AFG1L: variants seen among roughly 807,000 people sequenced by gnomAD.
AFG1L encodes the protein AFG1 like ATPase.
In AFG1L, 53 loss-of-function variants were observed where a neutral mutation model predicts 62.2. That is an observed-to-expected ratio of 0.85 (90% CI 0.68 to 1.07). AFG1L has a LOEUF of 1.07. Among genes scored for constraint, AFG1L ranks in the 50% least tolerant of loss-of-function variants. The pLI is 0.00. For missense variants in AFG1L, 555 were observed against 590.5 expected (o/e 0.94, Z 0.62); for synonymous variants, 228 against 210.3 (o/e 1.08, Z -0.73).
intron 2 of AFG1L, among the ~76,000 whole-genome samples, chr6:108,342,135 C>T (rs1337253392): frequency 6.6e-6 from 1 of 152,138 alleles, no homozygotes. Flanking sequence ...TCTACTGGGA[C>T]ACAGCTCTGA....
intron 7 of AFG1L, among the ~76,000 whole-genome samples, chr6:108,425,433 T>C (rs1770768911): frequency 6.6e-6 from 1 of 152,122 alleles, no homozygotes; most frequent in Non-Finnish European, 1.5e-5. Context: ...TGTGTGTGTG[T>C]ATGTGTATAC....
At chr6:108,329,422 C>T (rs941151501) in intron 2 of AFG1L, among the ~76,000 whole-genome samples, 2 of 151,970 alleles carry the variant, frequency 1.3e-5, no homozygotes, top group Non-Finnish European at 2.9e-5. Context: ...TCTCGGCCTC[C>T]CGAGTAGCTG....
At chr6:108,392,176 TAAA>T (rs1167222343) in intron 6 of AFG1L, 4 of 152,130 alleles carry the variant, frequency 2.6e-5, no homozygotes, top group African/African-American at 9.7e-5. Flanking sequence ...TAAAATTTTT[TAAA>T]AAAGAAAATG....
chr6:108,513,005 C>T (rs1256034056), intron 11 of AFG1L, among the ~76,000 whole-genome samples: 4 of 151,914 alleles, frequency 2.6e-5, no homozygotes, highest in Non-Finnish European at 4.4e-5. Flanking sequence ...AATCTAGTGT[C>T]GAATGTCAAC....
chr6:108,416,021 A>G (rs1448347262), intron 7 of AFG1L, among the ~76,000 whole-genome samples: 1 of 152,224 alleles, frequency 6.6e-6, no homozygotes, highest in Non-Finnish European at 1.5e-5. Context: ...CAATCTACTC[A>G]TCTGACAAAG....
At chr6:108,320,079 A>G (rs973249047) in intron 1 of AFG1L, among the ~76,000 whole-genome samples, 6 of 152,148 alleles carry the variant, frequency 3.9e-5, no homozygotes, top group Non-Finnish European at 5.9e-5. Context: ...AAGTTGGAAA[A>G]CCACTCCTTT....
At chr6:108,427,577 A>C (rs1402640835) in intron 7 of AFG1L, among the ~76,000 whole-genome samples, 1 of 135,816 alleles carries the variant, frequency 7.4e-6, no homozygotes, top group Non-Finnish European at 1.5e-5. Flanking sequence ...GTTGGAGTGC[A>C]GTGGCATAAT....
chr6:108,440,820 C>CAAAAAAAAA (rs372126617), intron 7 of AFG1L, among the ~76,000 whole-genome samples: 6 of 147,602 alleles, frequency 4.1e-5, no homozygotes, highest in African/African-American at 5.1e-5. Flanking sequence ...GACTCCATCT[C>CAAAAAAAAA]AAAAAAAGAA....
intron 10 of AFG1L, among the ~76,000 whole-genome samples, chr6:108,501,833 G>A (rs1006760456): frequency 2.6e-5 from 4 of 152,140 alleles, no homozygotes; most frequent in East Asian, 1.9e-4. Context: ...CCGATGAGTC[G>A]CAGGAATTTT....
At chr6:108,493,574 T>G (rs887790712) in intron 10 of AFG1L, among the ~76,000 whole-genome samples, 2 of 152,180 alleles carry the variant, frequency 1.3e-5, no homozygotes, top group Non-Finnish European at 2.9e-5. Context: ...TCGAACCCAG[T>G]TTATCCCATT....
At chr6:108,460,413 G>A (rs939416199) in intron 8 of AFG1L, among the ~76,000 whole-genome samples, 1 of 151,874 alleles carries the variant, frequency 6.6e-6, no homozygotes, top group African/African-American at 2.4e-5. Flanking sequence ...CATGTAGTTG[G>A]GTCTTTTTTT....
At chr6:108,342,287 G>A (rs923998849) in intron 2 of AFG1L, among the ~76,000 whole-genome samples, 66 of 152,290 alleles carry the variant, frequency 4.3e-4, no homozygotes, top group African/African-American at 1.5e-3. Context: ...GGACGGAGAA[G>A]GCATCAGGGG....
rs999381322 is a variant in AFG1L, at chr6:108,416,960, G to T, written c.807+14906G>T. ...ATAAATAAATAAAGGGGCCTGGGCT[G>T]GGTGTGGTGGCTCAGACCTGTAATC... On this transcript the variant is annotated intron_variant, in intron 7 of 12. Coordinates refer to ENST00000368977, the MANE Select transcript of AFG1L (RefSeq NM_145315.5). Among the ~76,000 whole-genome samples, 7 of 151,946 alleles carry T rather than the reference G, an allele frequency of 4.6e-5. 1 individual carries two copies. The Middle Eastern group carries it at 0.01, about 221-fold the overall frequency.
rs762568698 is a variant in AFG1L, at chr6:108,324,063, A to G, written c.363+15A>G. 1.7e-5 allele frequency: 27 copies of G among 1,559,294 alleles called. No homozygotes were observed. In the East Asian group the frequency reaches 5.2e-4, roughly 30 times the overall value. ...TTTTTTCAAAGGTGAGGCTTGTGTGATATGAAAGATTAAACAGTTAAAAGT... is the reference window on the plus strand; with the variant it reads ...TTTTTTCAAAGGTGAGGCTTGTGTGGTATGAAAGATTAAACAGTTAAAAGT... On this transcript the variant is annotated intron_variant, in intron 2 of 12. Transcript: ENST00000368977.
chr6:108,300,805 TG>T (rs757392658), intron 1 of AFG1L, among the ~76,000 whole-genome samples: 12 of 152,076 alleles, frequency 7.9e-5, no homozygotes, highest in Non-Finnish European at 2.9e-5. Context: ...CCTGAGCAGC[TG>T]GGACTACAGG....
chr6:108,346,916 AG>A, intron 2 of AFG1L, 71 bp from the exon 3 acceptor site: 1 of 1,158,446 alleles, frequency 8.6e-7, no homozygotes, highest in Non-Finnish European at 1.3e-6. Flanking sequence ...TAGGACAGTT[AG>A]GAAGACTATG....
chr6:108,512,227 TG>T (rs1205675221), intron 11 of AFG1L, among the ~76,000 whole-genome samples: 1 of 152,046 alleles, frequency 6.6e-6, no homozygotes, highest in Non-Finnish European at 1.5e-5. Flanking sequence ...AGAATGAAAA[TG>T]GGTAACCAGC....
intron 8 of AFG1L, among the ~76,000 whole-genome samples, chr6:108,470,593 G>A (rs1376608809): frequency 2.6e-5 from 4 of 152,140 alleles, no homozygotes; most frequent in Non-Finnish European, 4.4e-5. Context: ...CTCTTCCATT[G>A]TATAAGTGTA....
intron 11 of AFG1L, among the ~76,000 whole-genome samples, chr6:108,515,336 T>C (rs1266573475): frequency 2.0e-5 from 3 of 152,030 alleles, no homozygotes; most frequent in Admixed American, 1.3e-4. Flanking sequence ...GAACTCAGGA[T>C]TAAGAAACTC....
Sources: allele counts gnomAD v4.1 joint callset (sites outside exome capture counted in the v4.1 genomes callset), GRCh38; gene constraint gnomAD v4.1.1; transcripts MANE v1.5; gene names NCBI Gene and HGNC (gene_info 2026-07-23, HGNC 2026-07-21).